The following NSUN6 variants were observed in gnomAD, a reference collection of about 807,000 sequenced individuals.
NSUN6 encodes the protein NOP2/Sun RNA methyltransferase 6, also known as tRNA (cytosine(72)-C(5))-methyltransferase NSUN6.
In NSUN6, 64 loss-of-function variants were observed where a neutral mutation model predicts 58.0. The ratio of observed to expected loss-of-function variants is 1.10; its 90% CI spans 0.90 to 1.36. The LOEUF is 1.36. Among genes scored for constraint, NSUN6 ranks in the 40% most tolerant of loss-of-function variants. NSUN6 has a pLI of 0.00. For synonymous variants in NSUN6, 231 were observed against 193.9 expected (o/e 1.19, Z -1.59); for missense variants, 701 against 550.1 (o/e 1.27, Z -2.74).
chr10:18,641,537 T>C (rs1166923081), intron 3 of NSUN6, among the ~76,000 whole-genome samples: 1 of 151,942 alleles, frequency 6.6e-6, no homozygotes, highest in Non-Finnish European at 1.5e-5. Flanking sequence ...AGCTAATTTT[T>C]GTAATTTCTT....
At chr10:18,643,694 C>G (rs1041366566) in intron 2 of NSUN6, among the ~76,000 whole-genome samples, 4 of 152,136 alleles carry the variant, frequency 2.6e-5, no homozygotes, top group Non-Finnish European at 4.4e-5. Context: ...TTCTCTTTCC[C>G]TCCCTCCTTC....
chr10:18,644,885 C>G (rs555945592), intron 2 of NSUN6, among the ~76,000 whole-genome samples: 1 of 148,698 alleles, frequency 6.7e-6, no homozygotes. Flanking sequence ...AGGTCAGGCA[C>G]GGTGGCTCAC....
intron 8 of NSUN6, among the ~76,000 whole-genome samples, chr10:18,571,813 G>A (rs970129834): frequency 7.2e-6 from 1 of 139,802 alleles, no homozygotes; most frequent in Non-Finnish European, 1.5e-5. Flanking sequence ...CCATTACACT[G>A]CATTCCATTC....
At chr10:18,608,155 CCTTGCTATTCAGTGACAAAGAA>C (rs2058105437) in intron 6 of NSUN6, among the ~76,000 whole-genome samples, 1 of 152,118 alleles carries the variant, frequency 6.6e-6, no homozygotes, top group Non-Finnish European at 1.5e-5. Flanking sequence ...TTCTTATGTC[CCTTGCTATTCAGTGACAAAGAA>C]TATGGCTCTA....
intron 3 of NSUN6, among the ~76,000 whole-genome samples, chr10:18,635,168 T>C (rs1243415375): frequency 6.6e-6 from 1 of 152,202 alleles, no homozygotes; most frequent in Non-Finnish European, 1.5e-5. Flanking sequence ...TCTAGACAAC[T>C]ATTTTACATG....
chr10:18,587,414 A>G (rs1486457759), intron 7 of NSUN6, among the ~76,000 whole-genome samples: 2 of 152,226 alleles, frequency 1.3e-5, no homozygotes, highest in Non-Finnish European at 2.9e-5. Flanking sequence ...TTGGTATGGT[A>G]TAAAACGCAG....
At chr10:18,655,718 T>C (rs530933704), upstream of NSUN6, among the ~76,000 whole-genome samples, 11 of 152,246 alleles carry the variant, frequency 7.2e-5, no homozygotes, top group East Asian at 1.9e-3. Context: ...TGAGTCAGCT[T>C]CAAAAGCCAA....
chr10:18,587,126 C>A (rs2057185376), intron 7 of NSUN6, among the ~76,000 whole-genome samples: 1 of 152,164 alleles, frequency 6.6e-6, no homozygotes, highest in Admixed American at 6.6e-5. Flanking sequence ...CAAAACTCAA[C>A]ACCAAAAGTA....
chr10:18,569,495 C>T (rs1417178631), intron 8 of NSUN6, among the ~76,000 whole-genome samples: 1 of 149,622 alleles, frequency 6.7e-6, no homozygotes, highest in African/African-American at 2.5e-5. Flanking sequence ...CATTTCATTC[C>T]ACTATCCATT....
Position 18,578,857 on chromosome 10 carries a change from G to A in NSUN6, c.922+7092C>T, listed in dbSNP as rs12220279. Reference sequence around the variant, plus strand: ...AAGAAACTATGGGCTGCATTTCAGCGCACTCACCCTCAATCATATGTCTTA... The same window carrying A: ...AAGAAACTATGGGCTGCATTTCAGCACACTCACCCTCAATCATATGTCTTA... On this transcript the variant is annotated intron_variant, in intron 8 of 10. Transcript: ENST00000377304. Among the ~76,000 whole-genome samples, 201 of 152,212 alleles carry A rather than the reference G, an allele frequency of 1.3e-3. 5 individuals are homozygous for A. The East Asian group carries it at 0.034, about 25-fold the overall frequency.
chr10:18,602,708 C>T (rs2057895372), intron 6 of NSUN6, among the ~76,000 whole-genome samples: 2 of 152,060 alleles, frequency 1.3e-5, no homozygotes, highest in Admixed American at 1.3e-4. Flanking sequence ...AGCCTGGCAG[C>T]CTTTGGCAGT....
At chr10:18,579,019 T>C (rs1369310377) in intron 8 of NSUN6, among the ~76,000 whole-genome samples, 1 of 152,162 alleles carries the variant, frequency 6.6e-6, no homozygotes, top group Non-Finnish European at 1.5e-5. Context: ...CTCCTACAAA[T>C]ATTCCAGACC....
At chr10:18,635,663 C>A (rs1221719183) in intron 3 of NSUN6, among the ~76,000 whole-genome samples, 1 of 151,790 alleles carries the variant, frequency 6.6e-6, no homozygotes, top group Non-Finnish European at 1.5e-5. Context: ...CATGGTAAAA[C>A]TCCGTCTCTG....
intron 5 of NSUN6, among the ~76,000 whole-genome samples, chr10:18,611,055 G>T (rs1416768774): frequency 6.6e-6 from 1 of 152,000 alleles, no homozygotes; most frequent in African/African-American, 2.4e-5. Flanking sequence ...ACAAAGGCAT[G>T]GTGGAGTGTA....
At chr10:18,637,850 A>G (rs925703363) in intron 3 of NSUN6, among the ~76,000 whole-genome samples, 2 of 152,248 alleles carry the variant, frequency 1.3e-5, no homozygotes, top group African/African-American at 4.8e-5. Flanking sequence ...TTAAGTGAAC[A>G]CAAAACAAAT....
intron 3 of NSUN6, 53 bp from the exon 4 acceptor site, chr10:18,616,346 C>T: frequency 9.5e-7 from 1 of 1,052,624 alleles, no homozygotes. Flanking sequence ...CAATGCCTAC[C>T]AATTTTTCCC....
intron 8 of NSUN6, among the ~76,000 whole-genome samples, chr10:18,557,029 G>A (rs1309655363): frequency 6.6e-6 from 1 of 151,076 alleles, no homozygotes; most frequent in Non-Finnish European, 1.5e-5. Context: ...GTGGAATGGA[G>A]AATGGAATGG....
At position 18,614,597 on chromosome 10, in the gene NSUN6, A is replaced by G; in HGVS notation, c.438T>C (p.Asp146=). The G allele has an allele frequency of 7.0e-7, 1 of 1,434,818 alleles. No homozygotes were observed. The highest frequency in any genetic ancestry group is 9.4e-7 in the Non-Finnish European group (1 of 1,065,442). The allele number at this position is 1,434,818 out of a possible 1,614,324, so 88.9% of individuals were successfully genotyped here. A position where few individuals can be genotyped will look rare whatever the true frequency, so the allele number is the denominator to read the frequency against. The stretch of plus-strand genomic sequence containing the variant: ...TAATATCAGAGTATACAGAAATAAC[A>G]TCTCCAGCTTTCATAACTAGAGAAA... ...VSASQFMKAG[D]VISVYSDIKG... is the part of the protein sequence containing the mutation. Residue 146 remains aspartate (D), a synonymous_variant, in exon 5 of 11, where the codon GAT becomes GAC. Transcript: ENST00000377304.
At chr10:18,626,940 G>A (rs943735083) in intron 3 of NSUN6, among the ~76,000 whole-genome samples, 4 of 152,192 alleles carry the variant, frequency 2.6e-5, no homozygotes, top group Admixed American at 2.6e-4. Context: ...TATCAAAAAG[G>A]GAGGAGCACG....
Sources: allele counts gnomAD v4.1 joint callset (sites outside exome capture counted in the v4.1 genomes callset), GRCh38; gene constraint gnomAD v4.1.1; transcripts MANE v1.5; gene names NCBI Gene and HGNC (gene_info 2026-07-23, HGNC 2026-07-21).